ZMYM4: variants seen among roughly 807,000 people sequenced by gnomAD.
ZMYM4 encodes zinc finger MYM-type protein 4.
In ZMYM4, 31 loss-of-function variants were observed where a neutral mutation model predicts 183.2. That is an observed-to-expected ratio of 0.17 (90% CI 0.13 to 0.23). ZMYM4 has a LOEUF of 0.23. ZMYM4 is among the 10% of genes least tolerant of loss of function. The pLI, the probability that ZMYM4 is intolerant of heterozygous loss-of-function variation, is 1.00. For synonymous variants in ZMYM4, 592 were observed against 631.2 expected (o/e 0.94, Z 0.93); for missense variants, 1,273 against 1,840.3 (o/e 0.69, Z 5.64).
intron 25 of ZMYM4, among the ~76,000 whole-genome samples, chr1:35,405,796 A>T (rs1644992744): frequency 1.3e-5 from 2 of 151,724 alleles, no homozygotes; most frequent in South Asian, 4.2e-4. Flanking sequence ...AAATACCTGG[A>T]AAAGCCTTGC....
At chr1:35,276,929 T>C (rs1639907204) in intron 1 of ZMYM4, among the ~76,000 whole-genome samples, 1 of 152,142 alleles carries the variant, frequency 6.6e-6, no homozygotes, top group South Asian at 2.1e-4. Context: ...TCTTAACTCA[T>C]ACCCCCTGTG....
chr1:35,325,306 T>C, intron 1 of ZMYM4, 54 bp from the exon 2 acceptor site: 2 of 1,526,026 alleles, frequency 1.3e-6, no homozygotes, highest in Non-Finnish European at 1.8e-6. Flanking sequence ...ACCAAAAGAA[T>C]GTATGATAGA....
chr1:35,359,152 A>G lies in ZMYM4; in HGVS notation c.313A>G (p.Ile105Val), dbSNP rs142658775. 3.8e-4 allele frequency: 616 copies of G among 1,613,760 alleles called. 3 individuals carry two copies. Among genetic ancestry groups the G allele is most frequent in the South Asian group, 1.9e-3 (177 of 91,054 alleles). The change falls in exon 3 of 30, where the codon ATT becomes GTT. Residue 105 changes from isoleucine (I) to valine (V), a missense_variant. Coordinates refer to ENST00000314607, the MANE Select transcript of ZMYM4 (RefSeq NM_005095.3). ...TTCAAAGGACAATCTTGTTTCTTCA[A>G]TTCATACTGATGATAGCTTGGAAGT... ...FSSKDNLVSS[I>V]HTDDSLEVER...
At chr1:35,299,802 T>C (rs867186560) in intron 1 of ZMYM4, among the ~76,000 whole-genome samples, 3 of 151,902 alleles carry the variant, frequency 2.0e-5, no homozygotes, top group Non-Finnish European at 4.4e-5. Flanking sequence ...CTTTTCTTTT[T>C]TTTTTTTTAT....
intron 7 of ZMYM4, among the ~76,000 whole-genome samples, chr1:35,377,238 C>CG (rs1644355203): frequency 1.3e-5 from 2 of 152,244 alleles, no homozygotes; most frequent in Non-Finnish European, 2.9e-5. Context: ...CTAAGGGTTT[C>CG]GTTAATGTCT....
At chr1:35,359,885 TGA>T (rs71690676) in intron 3 of ZMYM4, among the ~76,000 whole-genome samples, 4,945 of 149,082 alleles carry the variant, frequency 0.033, 257 homozygotes, top group East Asian at 0.27. Context: ...CACCTCTATC[TGA>T]AAGGGAGTTT....
At chr1:35,391,114 C>G (rs971977722) in intron 15 of ZMYM4, among the ~76,000 whole-genome samples, 4 of 152,124 alleles carry the variant, frequency 2.6e-5, no homozygotes, top group African/African-American at 9.7e-5. Flanking sequence ...AGGAATTTAC[C>G]AAGACAGTCA....
At chr1:35,303,722 C>G (rs1641397676) in intron 1 of ZMYM4, among the ~76,000 whole-genome samples, 1 of 152,102 alleles carries the variant, frequency 6.6e-6, no homozygotes, top group South Asian at 2.1e-4. Context: ...GATTTTTATG[C>G]TGTTCTTTAT....
Position 35,410,914 on chromosome 1 carries a change from G to A in ZMYM4, c.3948+2755G>A, listed in dbSNP as rs889873476. On this transcript the variant is annotated intron_variant, in intron 26 of 29. Transcript: ENST00000314607. ...TAGGAATCTACTGCCACATTCAAGG[G>A]CATGAAGATTTAATCCTCTTTTCTT... 9.6e-4 allele frequency among the ~76,000 whole-genome samples: 146 copies of A among 151,898 alleles called. 1 individual carries two copies. Among genetic ancestry groups the A allele is most frequent in the African/African-American group, 3.4e-3 (142 of 41,362 alleles).
At chr1:35,318,916 C>T (rs900621967) in intron 1 of ZMYM4, among the ~76,000 whole-genome samples, 6 of 152,118 alleles carry the variant, frequency 3.9e-5, no homozygotes, top group African/African-American at 9.7e-5. Context: ...GACGGAGTTT[C>T]GCTCTTGTTG....
chr1:35,344,140 A>G (rs952586935), intron 2 of ZMYM4, among the ~76,000 whole-genome samples: 8 of 150,240 alleles, frequency 5.3e-5, no homozygotes, highest in Non-Finnish European at 1.2e-4. Context: ...TGCAACCTCT[A>G]CCTCCTGGGT....
At position 35,304,293 on chromosome 1, in the gene ZMYM4, GGAGTACAGGCGT is replaced by G. The variant is rs565195886; in HGVS notation, c.40-21063_40-21052del. ...CCCGCCTTGGTCTCCCAAAGTGCTG[GGAGTACAGGCGT>G]GAGCCACCGCGCCCGGCCATACAGT... is the stretch of plus-strand genomic sequence containing the variant. On this transcript the variant is annotated intron_variant, in intron 1 of 29. Coordinates refer to ENST00000314607, the MANE Select transcript of ZMYM4 (RefSeq NM_005095.3). Among the ~76,000 whole-genome samples, 536 of 152,124 alleles carry G rather than the reference GGAGTACAGGCGT, an allele frequency of 3.5e-3. 15 individuals are homozygous for G. The highest frequency in any genetic ancestry group is 0.023 in the Admixed American group (348 of 15,286).
intron 1 of ZMYM4, among the ~76,000 whole-genome samples, chr1:35,283,317 A>T: frequency 7.4e-6 from 1 of 135,594 alleles, no homozygotes; most frequent in Non-Finnish European, 1.6e-5. Flanking sequence ...AGTGGGTGTG[A>T]AGTGGTATCT....
At chr1:35,401,992 G>A (rs1437483678) in intron 23 of ZMYM4, among the ~76,000 whole-genome samples, 1 of 151,818 alleles carries the variant, frequency 6.6e-6, no homozygotes, top group Non-Finnish European at 1.5e-5. Flanking sequence ...AGTACCAACT[G>A]TCCTGATTAC....
intron 1 of ZMYM4, among the ~76,000 whole-genome samples, chr1:35,280,292 CTT>C (rs1640094107): frequency 2.0e-5 from 3 of 147,536 alleles, no homozygotes; most frequent in Admixed American, 7.1e-5. Flanking sequence ...CTCTCTCTCT[CTT>C]CTTTCTTTGT....
intron 1 of ZMYM4, among the ~76,000 whole-genome samples, chr1:35,311,989 C>T (rs890688839): frequency 1.3e-5 from 2 of 151,978 alleles, no homozygotes; most frequent in Non-Finnish European, 1.5e-5. Flanking sequence ...TGGGCTCAAG[C>T]GATCCTCCCA....
chr1:35,410,019 T>G (rs1293023392), intron 26 of ZMYM4, among the ~76,000 whole-genome samples: 1 of 151,944 alleles, frequency 6.6e-6, no homozygotes, highest in Non-Finnish European at 1.5e-5. Context: ...AGCATCTGCT[T>G]CTGGTGAGCG....
chr1:35,368,721 G>C (rs1644144451), intron 5 of ZMYM4, among the ~76,000 whole-genome samples: 1 of 152,060 alleles, frequency 6.6e-6, no homozygotes, highest in Admixed American at 6.5e-5. Flanking sequence ...AAATATGGGA[G>C]TATGAATATT....
At chr1:35,319,861 G>A (rs1642209180) in intron 1 of ZMYM4, among the ~76,000 whole-genome samples, 1 of 152,112 alleles carries the variant, frequency 6.6e-6, no homozygotes, top group South Asian at 2.1e-4. Context: ...AACTTTGGGA[G>A]TTTTGGAAAA....
Sources: allele counts gnomAD v4.1 joint callset (sites outside exome capture counted in the v4.1 genomes callset), GRCh38; gene constraint gnomAD v4.1.1; transcripts MANE v1.5; gene names NCBI Gene and HGNC (gene_info 2026-07-23, HGNC 2026-07-21).